NCOR1: variants seen among roughly 807,000 people sequenced by gnomAD.
The protein encoded by NCOR1 is nuclear receptor corepressor 1.
NCOR1 carries 63 observed loss-of-function variants against 288.1 expected under a neutral mutation model. The ratio of observed to expected loss-of-function variants is 0.22; its 90% CI spans 0.18 to 0.27. The LOEUF is 0.27. Among genes scored for constraint, NCOR1 ranks in the 10% least tolerant of loss-of-function variants. NCOR1 has a pLI of 1.00. For synonymous variants in NCOR1, 1,007 were observed against 1,065.9 expected (o/e 0.94, Z 1.08); for missense variants, 2,397 against 3,019.2 (o/e 0.79, Z 4.83).
chr17:16,080,470 C>G lies in NCOR1; in HGVS notation c.3338G>C (p.Arg1113Pro). The change falls in exon 25 of 46, where the codon CGA (arginine) becomes CCA (proline). Residue 1113 changes from arginine to proline, a missense_variant. Arg to Pro is a moderately radical substitution (Grantham distance 103, BLOSUM62 -2). Around this residue, in one of 11 missense-constraint regions of NCOR1, gnomAD observed 1,872 missense variants for 2,187.8 expected, o/e 0.86. Coordinates refer to ENST00000268712, the MANE Select transcript of NCOR1 (RefSeq NM_006311.4). Reference protein sequence around the residue: ...PYIKQEEFSPRSQNSQPEGLL... With the variant: ...PYIKQEEFSPPSQNSQPEGLL... Reference sequence around the variant, plus strand: ...ACCCTCAGGTTGTGAGTTTTGGCTTCGGGGAGAAAATTCTTCCTGCTTGAT... The same window carrying G: ...ACCCTCAGGTTGTGAGTTTTGGCTTGGGGGAGAAAATTCTTCCTGCTTGAT... 6.2e-7 allele frequency: 1 copy of G among 1,614,040 alleles called. No individual in the cohort carries two copies. Among genetic ancestry groups the G allele is most frequent in the Middle Eastern group, 1.6e-4 (1 of 6,062 alleles).
intron 21 of NCOR1, 65 bp from the exon 22 acceptor site, chr17:16,092,123 G>T: frequency 6.5e-7 from 1 of 1,526,768 alleles, no homozygotes; most frequent in Non-Finnish European, 9.0e-7. Flanking sequence ...CTCTTAACAA[G>T]TAATGTAATG....
At chr17:16,143,083 A>AT (rs1403342064) in intron 11 of NCOR1, among the ~76,000 whole-genome samples, 1 of 152,138 alleles carries the variant, frequency 6.6e-6, no homozygotes, top group Non-Finnish European at 1.5e-5. Context: ...GATGACTCTG[A>AT]TATCTAACCA....
intron 11 of NCOR1, among the ~76,000 whole-genome samples, chr17:16,143,396 T>C (rs1156999853): frequency 6.6e-6 from 1 of 152,202 alleles, no homozygotes; most frequent in Non-Finnish European, 1.5e-5. Flanking sequence ...CCAGGTCTCC[T>C]TGCTGCCAAA....
In NCOR1 at chr17:16,161,174, C is replaced by T. The variant is rs545918487; in HGVS notation, c.619-2301G>A. The stretch of plus-strand genomic sequence containing the variant: ...CAAATCACACTTTGTTCTTAGTACC[C>T]AAATAGCCCTGGGACAAAACCATTA... On this transcript the variant is annotated intron_variant, in intron 5 of 45. Transcript: ENST00000268712. 1.6e-3 allele frequency among the ~76,000 whole-genome samples: 236 copies of T among 151,756 alleles called. 1 individual carries two copies. The highest frequency in any genetic ancestry group is 5.6e-3 in the African/African-American group (232 of 41,334).
chr17:16,157,532 CTTTAT>C (rs1198313539), intron 6 of NCOR1, among the ~76,000 whole-genome samples: 1 of 151,964 alleles, frequency 6.6e-6, no homozygotes, highest in Non-Finnish European at 1.5e-5. Context: ...TTCACAATTG[CTTTAT>C]TTAAGGTCAA....
chr17:16,158,952 G>T lies in NCOR1; in HGVS notation c.619-79C>A. On this transcript the variant is annotated intron_variant, in intron 5 of 45. Transcript: ENST00000268712. ...GTGATTAACCACTGGAGATAACACAGGCTACTAAGCTTTGCTTGCAGATTC... is the reference window on the plus strand; with the variant it reads ...GTGATTAACCACTGGAGATAACACATGCTACTAAGCTTTGCTTGCAGATTC... 3.2e-6 allele frequency: 3 copies of T among 943,830 alleles called. No homozygotes were observed. In the South Asian group the frequency reaches 4.6e-5, roughly 14 times the overall value. 58.5% of individuals were successfully genotyped at this position (943,830 alleles called of 1,614,324 possible).
chr17:16,044,425 ACTTTC>A lies in NCOR1; in HGVS notation c.6679+2521_6679+2525del, dbSNP rs1346372815. ...AGGCAGTTCACAGTGCAAGGCCCCC[ACTTTC>A]CTTTCTTTTGACAGGATCAGGAGAC... On this transcript the variant is annotated intron_variant, in intron 42 of 45. Coordinates refer to ENST00000268712, the MANE Select transcript of NCOR1 (RefSeq NM_006311.4). 1.1e-5 allele frequency: 5 copies of A among 471,572 alleles called. No homozygotes were observed. In the Admixed American group the frequency reaches 1.2e-4, roughly 11 times the overall value. 29.2% of individuals were successfully genotyped at this position (471,572 alleles called of 1,614,324 possible).
intron 6 of NCOR1, 39 bp from the exon 7 acceptor site, chr17:16,153,434 T>C: frequency 1.5e-6 from 2 of 1,326,126 alleles, no homozygotes; most frequent in South Asian, 1.4e-5. Flanking sequence ...TAATTAAAAA[T>C]TACATTATCT....
intron 19 of NCOR1, among the ~76,000 whole-genome samples, chr17:16,106,874 TATATA>T (rs1568055114): frequency 2.1e-4 from 12 of 58,028 alleles, no homozygotes; most frequent in African/African-American, 1.0e-3. Context: ...TATATATATA[TATATA>T]TATATTTTTT....
intron 1 of NCOR1, among the ~76,000 whole-genome samples, chr17:16,208,397 T>C (rs183097883): frequency 1.3e-5 from 2 of 151,746 alleles, no homozygotes; most frequent in Non-Finnish European, 2.9e-5. Context: ...TTTCCTAGGA[T>C]TGAAACTACT....
At chr17:16,102,245 G>A (rs557699624) in intron 19 of NCOR1, among the ~76,000 whole-genome samples, 254 of 152,176 alleles carry the variant, frequency 1.7e-3, no homozygotes, top group African/African-American at 5.9e-3. Context: ...CATTAAAAAA[G>A]TAAGAAGAAA....
At chr17:16,179,067 C>T (rs567642012) in intron 3 of NCOR1, among the ~76,000 whole-genome samples, 1 of 152,250 alleles carries the variant, frequency 6.6e-6, no homozygotes, top group East Asian at 1.9e-4. Context: ...CATGTCACTG[C>T]ACCCCAGCCT....
chr17:16,070,598 G>A (rs904076394), intron 30 of NCOR1, 73 bp from the exon 31 acceptor site: 3 of 1,546,906 alleles, frequency 1.9e-6, no homozygotes, highest in African/African-American at 2.7e-5. Flanking sequence ...TCTATGTCTG[G>A]CCCATGGCAG....
In NCOR1 at chr17:16,061,912, T is replaced by C. The variant is rs1237969238; in HGVS notation, c.5388-18A>G. 21 of 1,590,806 alleles carry C rather than the reference T, an allele frequency of 1.3e-5. No individual in the cohort carries two copies. Among genetic ancestry groups the C allele is most frequent in the Non-Finnish European group, 1.6e-5 (19 of 1,168,950 alleles). On this transcript the variant is annotated intron_variant, in intron 36 of 45. Coordinates refer to ENST00000268712, the MANE Select transcript of NCOR1 (RefSeq NM_006311.4). ...GCAGTGGCCTGTAAATAAAACCAAATCACAGCTCTGTGAAGGGAAGACCAT... is the reference window on the plus strand; with the variant it reads ...GCAGTGGCCTGTAAATAAAACCAAACCACAGCTCTGTGAAGGGAAGACCAT...
In NCOR1 at chr17:16,092,005, A is replaced by G. The variant is rs998530805; in HGVS notation, c.2874T>C (p.Ala958=). Residue 958 remains alanine (A), a synonymous_variant, in exon 22 of 46, where the codon GCT becomes GCC. Transcript: ENST00000268712. ...TTGCTTTAATGTGTCGCTGGTAGAGAGCATAGCCGCTCACTGGGGTTCCAA... is the reference window on the plus strand; with the variant it reads ...TTGCTTTAATGTGTCGCTGGTAGAGGGCATAGCCGCTCACTGGGGTTCCAA... ...IPIGTPVSGY[A]LYQRHIKAMH... 4 of 1,614,136 alleles carry G rather than the reference A, an allele frequency of 2.5e-6. No homozygotes were observed. The highest frequency in any genetic ancestry group is 3.4e-6 in the Non-Finnish European group (4 of 1,180,032).
chr17:16,047,054 A>G lies in NCOR1; in HGVS notation c.6576T>C (p.Pro2192=). The G allele has an allele frequency of 6.2e-7, 1 of 1,613,906 alleles. No homozygotes were observed. The highest frequency in any genetic ancestry group is 8.5e-7 in the Non-Finnish European group (1 of 1,179,922). ...ARSPGSISYL[P]SFFTKLENTS... Reference sequence around the variant, plus strand: ...TATTTTCAAGCTTGGTGAAGAATGAAGGCAAGTAGCTTATACTCCCTGGTG... The same window carrying G: ...TATTTTCAAGCTTGGTGAAGAATGAGGGCAAGTAGCTTATACTCCCTGGTG... Residue 2192 remains proline, a synonymous_variant, in exon 42 of 46, where the codon CCT becomes CCC. Transcript: ENST00000268712.
rs371837381 is a variant in NCOR1 at position 16,164,469 on chromosome 17, A to C, written c.618+510T>G. 2.2e-3 allele frequency among the ~76,000 whole-genome samples: 333 copies of C among 152,322 alleles called. 17 individuals carry two copies. In the South Asian group the frequency reaches 0.067, roughly 31 times the overall value. On this transcript the variant is annotated intron_variant, in intron 5 of 45. Coordinates refer to ENST00000268712, the MANE Select transcript of NCOR1 (RefSeq NM_006311.4). ...AATAACCCATAAACAAATGAAAATA[A>C]GCTCAGCCTCCTTCCAAACCACAGA... is the stretch of plus-strand genomic sequence containing the variant.
At position 16,065,274 on chromosome 17, in the gene NCOR1, G is replaced by A. The variant is rs373943769; in HGVS notation, c.4951+211C>T. Reference sequence around the variant, plus strand: ...GTAAGCCATGGATTACAAATACTCAGCACAAGGATTTGGTTTAGTTAATTT... The same window carrying A: ...GTAAGCCATGGATTACAAATACTCAACACAAGGATTTGGTTTAGTTAATTT... On this transcript the variant is annotated intron_variant, in intron 33 of 45. Transcript: ENST00000268712. 7.9e-5 allele frequency among the ~76,000 whole-genome samples: 12 copies of A among 152,280 alleles called. 1 individual carries two copies. In the East Asian group the frequency reaches 1.3e-3, roughly 17 times the overall value.
chr17:16,037,196 G>A (rs1219761114), intron 44 of NCOR1, among the ~76,000 whole-genome samples: 2 of 152,174 alleles, frequency 1.3e-5, no homozygotes, highest in African/African-American at 4.8e-5. Flanking sequence ...TGGGTTGTTT[G>A]CCATCTTATA....
Sources: gnomAD v4.1 joint callset for allele counts (sites outside exome capture counted in the v4.1 genomes callset) on GRCh38, gnomAD v4.1.1 for gene constraint, gnomAD v4.1.1 regional missense constraint, MANE v1.5 for transcripts, NCBI Gene and HGNC (gene_info 2026-07-23, HGNC 2026-07-21) for gene names.